RIMS2: variants seen among roughly 807,000 people sequenced by gnomAD.
The protein encoded by RIMS2 is regulating synaptic membrane exocytosis 2, also known as regulating synaptic membrane exocytosis protein 2.
A neutral mutation model predicts 174.4 loss-of-function variants in RIMS2; 59 were observed. The ratio of observed to expected loss-of-function variants is 0.34; its 90% CI spans 0.27 to 0.42. The LOEUF is 0.42. RIMS2 is among the 10% of genes least tolerant of loss of function. The pLI is 1.00. For synonymous variants in RIMS2, 606 were observed against 572.5 expected, an observed-to-expected ratio of 1.06 and a Z score of -0.84; for missense variants, 1,620 against 1,666.3, an observed-to-expected ratio of 0.97 and a Z score of 0.48.
At chr8:103,659,302 C>T (rs572723799) in intron 1 of RIMS2, among the ~76,000 whole-genome samples, 1 of 152,094 alleles carries the variant, frequency 6.6e-6, no homozygotes, top group Non-Finnish European at 1.5e-5. Flanking sequence ...GCCACCAACC[C>T]GGGCAAGACC....
intron 4 of RIMS2, among the ~76,000 whole-genome samples, chr8:103,889,556 T>C (rs2099229208): frequency 6.6e-6 from 1 of 151,814 alleles, no homozygotes; most frequent in Non-Finnish European, 1.5e-5. Context: ...TCATAGCTTC[T>C]ACTACGTAGC....
Position 103,613,653 on chromosome 8 carries a change from G to C in RIMS2, c.177-83433G>C, listed in dbSNP as rs75187735. Among the ~76,000 whole-genome samples the C allele has an allele frequency of 6.1e-3, 936 of 152,282 alleles. 12 individuals are homozygous for C. Among genetic ancestry groups the C allele is most frequent in the African/African-American group, 0.021 (886 of 41,540 alleles). ...CACTATAGCCACCGCAGCTGGGAATGTCCTATAGTCAGTGCGTCTCAGACC... is the reference window on the plus strand; with the variant it reads ...CACTATAGCCACCGCAGCTGGGAATCTCCTATAGTCAGTGCGTCTCAGACC... On this transcript the variant is annotated intron_variant, in intron 1 of 23. Transcript: ENST00000504942.
chr8:104,056,035 G>C (rs546068170), intron 19 of RIMS2, among the ~76,000 whole-genome samples: 2 of 152,178 alleles, frequency 1.3e-5, no homozygotes, highest in African/African-American at 2.4e-5. Context: ...AAATTTCTAA[G>C]AGCACTTTAC....
At chr8:103,960,852 T>C (rs745793992) in intron 14 of RIMS2, among the ~76,000 whole-genome samples, 33 of 152,186 alleles carry the variant, frequency 2.2e-4, no homozygotes, top group Non-Finnish European at 4.6e-4. Flanking sequence ...ATAATAATTG[T>C]ATAAATTGTT....
intron 1 of RIMS2, among the ~76,000 whole-genome samples, chr8:103,650,976 C>T (rs943480832): frequency 1.3e-5 from 2 of 152,214 alleles, no homozygotes; most frequent in Non-Finnish European, 1.5e-5. Flanking sequence ...GGGGTATTCA[C>T]AGATGGATCT....
chr8:103,893,051 CT>C lies in RIMS2; in HGVS notation c.1624+6829del, dbSNP rs1328249819. Among the ~76,000 whole-genome samples the C allele has an allele frequency of 5.3e-5, 8 of 151,866 alleles. No homozygotes were observed. The East Asian group carries it at 1.5e-3, about 29-fold the overall frequency. On this transcript the variant is annotated intron_variant, in intron 4 of 23. Transcript: ENST00000504942. ...GGTGTATAGGGCATTTATAATTGAC[CT>C]GAAAAAGCATTGAAATAGCAGATAA...
intron 1 of RIMS2, among the ~76,000 whole-genome samples, chr8:103,624,077 A>C (rs2095713811): frequency 6.6e-6 from 1 of 152,224 alleles, no homozygotes; most frequent in Non-Finnish European, 1.5e-5. Flanking sequence ...CATAGTAAGC[A>C]AAACCCACAA....
chr8:103,546,141 C>A (rs6468877), intron 1 of RIMS2, among the ~76,000 whole-genome samples: 7,329 of 152,158 alleles, frequency 0.048, 590 homozygotes, highest in African/African-American at 0.17. Flanking sequence ...GAGACCCATC[C>A]TACAAGCATT....
intron 2 of RIMS2, among the ~76,000 whole-genome samples, chr8:103,763,011 T>G (rs1192334994): frequency 6.6e-6 from 1 of 152,214 alleles, no homozygotes; most frequent in Non-Finnish European, 1.5e-5. Flanking sequence ...ACTATTGTTA[T>G]GCAGCACATG....
chr8:103,909,073 C>A (rs946526211), intron 4 of RIMS2, among the ~76,000 whole-genome samples: 2 of 151,890 alleles, frequency 1.3e-5, no homozygotes, highest in African/African-American at 4.8e-5. Context: ...GTTTGCTGAC[C>A]CCAAAGTCTA....
At chr8:103,587,464 G>GAA (rs753703637) in intron 1 of RIMS2, among the ~76,000 whole-genome samples, 2 of 103,918 alleles carry the variant, frequency 1.9e-5, no homozygotes, top group African/African-American at 8.4e-5. Context: ...AAGAAAGAAA[G>GAA]AAAGAAACTA....
intron 1 of RIMS2, among the ~76,000 whole-genome samples, chr8:103,504,102 G>C (rs1822059969): frequency 6.6e-6 from 1 of 151,992 alleles, no homozygotes. Flanking sequence ...TTCATGTATT[G>C]CTGTAGCAGT....
intron 19 of RIMS2, among the ~76,000 whole-genome samples, chr8:104,047,776 G>A (rs544530537): frequency 5.9e-5 from 9 of 152,104 alleles, no homozygotes; most frequent in Admixed American, 4.6e-4. Context: ...TGCTAGTTTA[G>A]GAGATAACTG....
chr8:104,007,737 G>A lies in RIMS2; in HGVS notation c.3045-5705G>A, dbSNP rs555191938. 5.3e-5 allele frequency among the ~76,000 whole-genome samples: 8 copies of A among 152,156 alleles called. No individual in the cohort carries two copies. In the South Asian group the frequency reaches 1.2e-3, roughly 24 times the overall value. ...GCTTTTTTTGTGTTTCCAATAAATT[G>A]GTATTGAATGTTGAGATCATATGAT... On this transcript the variant is annotated intron_variant, in intron 17 of 23. Transcript: ENST00000504942.
At chr8:103,604,467 G>A (rs986853826) in intron 1 of RIMS2, among the ~76,000 whole-genome samples, 5 of 152,152 alleles carry the variant, frequency 3.3e-5, no homozygotes, top group African/African-American at 1.2e-4. Context: ...GCTTAGGATT[G>A]ACTTGGCAAC....
At chr8:104,105,908 C>T (rs1184156784) in intron 19 of RIMS2, among the ~76,000 whole-genome samples, 1 of 151,576 alleles carries the variant, frequency 6.6e-6, no homozygotes. Flanking sequence ...GGCATGGTGG[C>T]ACGCACCAGT....
intron 16 of RIMS2, among the ~76,000 whole-genome samples, chr8:103,978,140 G>C (rs1304503610): frequency 6.6e-6 from 1 of 152,184 alleles, no homozygotes; most frequent in Admixed American, 6.5e-5. Context: ...AATTCCGATG[G>C]TTTTAGGAAC....
chr8:104,084,957 T>C (rs980934478), intron 19 of RIMS2, among the ~76,000 whole-genome samples: 1 of 152,188 alleles, frequency 6.6e-6, no homozygotes, highest in Non-Finnish European at 1.5e-5. Flanking sequence ...GTCATTATGG[T>C]ATACTGCCTC....
chr8:104,221,854 A>T (rs535785459), intron 19 of RIMS2, among the ~76,000 whole-genome samples: 28 of 152,316 alleles, frequency 1.8e-4, no homozygotes, highest in African/African-American at 6.5e-4. Flanking sequence ...TCATACCTAG[A>T]AGGCTCTGTA....
Sources: gnomAD v4.1 joint callset for allele counts (sites outside exome capture counted in the v4.1 genomes callset) on GRCh38, gnomAD v4.1.1 for gene constraint, MANE v1.5 for transcripts, NCBI Gene and HGNC (gene_info 2026-07-23, HGNC 2026-07-21) for gene names.